Variants in KIF26B observed in about 807,000 individuals in gnomAD.
The protein encoded by KIF26B is kinesin family member 26B.
Under a neutral mutation model 151.2 loss-of-function variants are expected in KIF26B, and 63 were observed. The observed-to-expected ratio is 0.42, with a 90% CI of 0.34 to 0.51. The LOEUF is 0.51. Ranked by LOEUF, KIF26B falls within the 20% of genes least tolerant of loss-of-function variation. The pLI, the probability that KIF26B is intolerant of heterozygous loss-of-function variation, is 0.07. For missense variants in KIF26B, 2,813 were observed against 2,913.6 expected (o/e 0.97, Z 0.79); for synonymous variants, 1,357 against 1,262.1 (o/e 1.08, Z -1.59).
At chr1:245,412,847 C>T (rs77919520) in intron 3 of KIF26B, among the ~76,000 whole-genome samples, 2,075 of 152,266 alleles carry the variant, frequency 0.014, 53 homozygotes, top group African/African-American at 0.045. Flanking sequence ...TAATGGTGCA[C>T]GGAATTCTCA....
intron 4 of KIF26B, among the ~76,000 whole-genome samples, chr1:245,472,662 A>G (rs1040762879): frequency 1.2e-4 from 18 of 152,230 alleles, no homozygotes; most frequent in African/African-American, 4.3e-4. Context: ...TGAGAGAGAA[A>G]TAAGTGGCTG....
At chr1:245,430,780 G>A (rs958006259) in intron 4 of KIF26B, among the ~76,000 whole-genome samples, 8 of 152,142 alleles carry the variant, frequency 5.3e-5, no homozygotes, top group South Asian at 2.1e-4. Flanking sequence ...TGAGTTGGCC[G>A]TGTTTTTATC....
intron 4 of KIF26B, among the ~76,000 whole-genome samples, chr1:245,508,327 G>T (rs112748904): frequency 3.3e-5 from 5 of 152,110 alleles, no homozygotes; most frequent in Non-Finnish European, 5.9e-5. Flanking sequence ...TGCAAGCTCC[G>T]CCTCCTGGGT....
chr1:245,250,708 T>C (rs1173030200), intron 2 of KIF26B, among the ~76,000 whole-genome samples: 1 of 152,256 alleles, frequency 6.6e-6, no homozygotes, highest in Non-Finnish European at 1.5e-5. Flanking sequence ...TTATTGACCA[T>C]GGGAGTTTTC....
intron 2 of KIF26B, among the ~76,000 whole-genome samples, chr1:245,193,828 G>A (rs1308060564): frequency 6.6e-6 from 1 of 152,178 alleles, no homozygotes; most frequent in Non-Finnish European, 1.5e-5. Flanking sequence ...AGCAACTCAG[G>A]CACAGTAGGC....
rs561224131 is a variant in KIF26B, at chr1:245,321,699, G to A, written c.466-45135G>A. Reference sequence around the variant, plus strand: ...AGGAGAACACAAAATAACCACCAAGGCTTCCTTATTCCCATTTGAGATGCT... The same window carrying A: ...AGGAGAACACAAAATAACCACCAAGACTTCCTTATTCCCATTTGAGATGCT... On this transcript the variant is annotated intron_variant, in intron 2 of 14. Coordinates refer to ENST00000407071, the MANE Select transcript of KIF26B (RefSeq NM_018012.4). Among the ~76,000 whole-genome samples, 6 of 152,282 alleles carry A rather than the reference G, an allele frequency of 3.9e-5. No individual in the cohort carries two copies. The East Asian group carries it at 5.8e-4, about 15-fold the overall frequency.
rs11804064 is a variant in KIF26B, at chr1:245,680,674, T to C, written c.2259-3559T>C. ...AACAAGACGACGGGGAACTTCAGAG[T>C]GCAGGCAGTCCTCATCTTTTGCAGA... is the stretch of plus-strand genomic sequence containing the variant. On this transcript the variant is annotated intron_variant, in intron 10 of 14. Transcript: ENST00000407071. Among the ~76,000 whole-genome samples, 1,026 of 152,240 alleles carry C rather than the reference T, an allele frequency of 6.7e-3. 11 individuals carry two copies. The highest frequency in any genetic ancestry group is 0.023 in the African/African-American group (972 of 41,534).
intron 2 of KIF26B, among the ~76,000 whole-genome samples, chr1:245,338,239 G>A (rs1310083473): frequency 2.0e-5 from 3 of 152,192 alleles, no homozygotes; most frequent in Non-Finnish European, 4.4e-5. Flanking sequence ...AAGAGTACAG[G>A]CTTCCATTAT....
intron 12 of KIF26B, among the ~76,000 whole-genome samples, chr1:245,690,742 G>GC (rs369137824): frequency 5.8e-4 from 87 of 150,712 alleles, no homozygotes; most frequent in African/African-American, 2.0e-3. Context: ...TATTTGCCTG[G>GC]GGGGGGGGTA....
chr1:245,552,873 TCCGGGTGTGAGCCACCGCACACAG>T (rs1254361111), intron 5 of KIF26B, among the ~76,000 whole-genome samples: 1 of 152,150 alleles, frequency 6.6e-6, no homozygotes, highest in African/African-American at 2.4e-5. Flanking sequence ...GTGTTGGGAT[TCCGGGTGTGAGCCACCGCACACAG>T]CCTCCCTGGA....
intron 2 of KIF26B, among the ~76,000 whole-genome samples, chr1:245,250,972 G>A (rs537769076): frequency 6.6e-6 from 1 of 152,298 alleles, no homozygotes; most frequent in East Asian, 1.9e-4. Context: ...AGGGGAAAAG[G>A]CACAGAGGGT....
rs1322590784 is a variant in KIF26B, at chr1:245,614,861, GA to G, written c.2098+2886del. ...GTTCTTAAAGAAGGAAACGCATTCG[GA>G]TAGGGATGAGGAGATGCAGACCTTT... On this transcript the variant is annotated intron_variant, in intron 9 of 14. Coordinates refer to ENST00000407071, the MANE Select transcript of KIF26B (RefSeq NM_018012.4). 53 of 97,646 alleles carry G rather than the reference GA, an allele frequency of 5.4e-4. 1 individual carries two copies. In the South Asian group the frequency reaches 0.016, roughly 30 times the overall value. The allele number at this position is 97,646 out of a possible 1,614,324, so 6.0% of individuals were successfully genotyped here. A position where few individuals can be genotyped will look rare whatever the true frequency, so the allele number is the denominator to read the frequency against.
intron 2 of KIF26B, among the ~76,000 whole-genome samples, chr1:245,216,903 C>G (rs974696791): frequency 6.6e-6 from 1 of 152,150 alleles, no homozygotes; most frequent in Non-Finnish European, 1.5e-5. Flanking sequence ...TCACTTTTGC[C>G]TTATTTCATA....
intron 9 of KIF26B, among the ~76,000 whole-genome samples, chr1:245,613,642 G>T (rs533449366): frequency 4.4e-4 from 67 of 152,200 alleles, no homozygotes; most frequent in African/African-American, 1.6e-3. Context: ...CTATGGACAG[G>T]CTCCCCCTGA....
Position 245,370,553 on chromosome 1 carries a change from A to G in KIF26B, c.999+3186A>G, listed in dbSNP as rs114568059. The G allele has an allele frequency of 1.3e-3, 602 of 456,348 alleles. 4 individuals carry two copies. The highest frequency in any genetic ancestry group is 0.011 in the African/African-American group (571 of 50,198). 28.3% of individuals were successfully genotyped at this position (456,348 alleles called of 1,614,324 possible). A position where few individuals can be genotyped will look rare whatever the true frequency, so the allele number is the denominator to read the frequency against. ...TGAGCCACATACTTGTGTTACACAG[A>G]CAACTCACATTTCACCTTCCAGGAC... On this transcript the variant is annotated intron_variant, in intron 3 of 14. Transcript: ENST00000407071.
At chr1:245,676,439 T>C (rs1365710427) in intron 10 of KIF26B, 2 of 152,258 alleles carry the variant, frequency 1.3e-5, no homozygotes, top group African/African-American at 4.8e-5. Context: ...TTCAATGAGA[T>C]CAAAGCAGAT....
chr1:245,656,608 G>A (rs904434090), intron 10 of KIF26B, among the ~76,000 whole-genome samples: 1 of 152,212 alleles, frequency 6.6e-6, no homozygotes, highest in Non-Finnish European at 1.5e-5. Flanking sequence ...CACCCACAGG[G>A]GGCTGTGATT....
At chr1:245,552,414 T>G (rs1040801616) in intron 5 of KIF26B, among the ~76,000 whole-genome samples, 4 of 142,980 alleles carry the variant, frequency 2.8e-5, no homozygotes, top group African/African-American at 1.0e-4. Context: ...CTGATTTAAA[T>G]GTTAATCTCA....
chr1:245,458,481 T>C (rs537135484), intron 4 of KIF26B, among the ~76,000 whole-genome samples: 1 of 152,238 alleles, frequency 6.6e-6, no homozygotes, highest in South Asian at 2.1e-4. Context: ...GGCAGCCAGG[T>C]TCTTTGCTCC....
Sources: allele counts gnomAD v4.1 joint callset (sites outside exome capture counted in the v4.1 genomes callset), GRCh38; gene constraint gnomAD v4.1.1; transcripts MANE v1.5; gene names NCBI Gene and HGNC (gene_info 2026-07-23, HGNC 2026-07-21).